The following ANO3 variants were observed in gnomAD, a reference collection of about 807,000 sequenced individuals.
ANO3 encodes the protein anoctamin-3.
ANO3 carries 99 observed loss-of-function variants against 144.8 expected under a neutral mutation model. The observed-to-expected ratio is 0.68, with a 90% CI of 0.58 to 0.81. The LOEUF (loss-of-function observed/expected upper bound fraction) is 0.81. Among genes scored for constraint, ANO3 ranks in the 30% least tolerant of loss-of-function variants. The probability of loss-of-function intolerance (pLI) is 0.00; values close to 1 mark genes in which losing one functional copy is unlikely to be tolerated. For missense variants in ANO3, 905 were observed against 1,202.2 expected (o/e 0.75, Z 3.66); for synonymous variants, 414 against 392.6 (o/e 1.05, Z -0.64).
At chr11:26,653,596 C>A (rs970300664) in intron 24 of ANO3, among the ~76,000 whole-genome samples, 6 of 152,150 alleles carry the variant, frequency 3.9e-5, no homozygotes, top group South Asian at 2.1e-4. Flanking sequence ...AAGGGAGCTT[C>A]TTCTCTGAGC....
In ANO3 at chr11:26,441,923, A is replaced by AAT; in HGVS notation, c.56_57dup (p.Ser20Ter). The AAT allele has an allele frequency of 6.2e-7, 1 of 1,611,768 alleles. No individual in the cohort carries two copies. The highest frequency in any genetic ancestry group is 8.5e-7 in the Non-Finnish European group (1 of 1,179,166). On this transcript the variant is annotated frameshift_variant, in exon 2 of 27. Transcript: ENST00000256737. LOFTEE classifies it high-confidence loss of function. ...TCAACATTTTGGATTTGCAGGTATG[A>AAT]ATATAAGCAAGAGTGAGATAACAAA...
At chr11:26,393,817 C>T (rs1202144040) in intron 1 of ANO3, among the ~76,000 whole-genome samples, 1 of 152,116 alleles carries the variant, frequency 6.6e-6, no homozygotes, top group African/African-American at 2.4e-5. Context: ...GAAAACTTCA[C>T]ATAAATAGTT....
chr11:26,365,957 T>C (rs1856060511), intron 1 of ANO3, among the ~76,000 whole-genome samples: 1 of 376 alleles, frequency 2.7e-3, no homozygotes, highest in Admixed American at 0.056. Context: ...TTTTTCTTTA[T>C]ATATATATAT....
intron 20 of ANO3, 23 bp downstream of exon 20, chr11:26,635,093 G>A (rs769806460): frequency 1.9e-5 from 31 of 1,609,054 alleles, no homozygotes; most frequent in Non-Finnish European, 2.3e-5. Flanking sequence ...GGGAGTGTGG[G>A]TGCAGGAATG....
At chr11:26,290,904 G>T (rs887782895) in intron 1 of ANO3, among the ~76,000 whole-genome samples, 2 of 152,332 alleles carry the variant, frequency 1.3e-5, no homozygotes, top group East Asian at 1.9e-4. Flanking sequence ...GGAGTGAAGA[G>T]TTCTGTAGAT....
intron 1 of ANO3, among the ~76,000 whole-genome samples, chr11:26,320,030 TG>T (rs1368666259): frequency 6.6e-6 from 1 of 152,094 alleles, no homozygotes; most frequent in East Asian, 1.9e-4. Flanking sequence ...TCTGAAACAC[TG>T]GTGTGGCAGA....
At chr11:26,313,592 C>A (rs1447400273) in intron 1 of ANO3, among the ~76,000 whole-genome samples, 2 of 151,692 alleles carry the variant, frequency 1.3e-5, no homozygotes, top group Non-Finnish European at 2.9e-5. Flanking sequence ...GAGGCGGAGG[C>A]AGGAAAATTG....
intron 1 of ANO3, among the ~76,000 whole-genome samples, chr11:26,394,072 T>C (rs1856945247): frequency 6.6e-6 from 1 of 152,158 alleles, no homozygotes; most frequent in African/African-American, 2.4e-5. Context: ...CAAAATCTAA[T>C]TTAACTGCCA....
intron 4 of ANO3, among the ~76,000 whole-genome samples, chr11:26,472,918 T>C (rs2860040): frequency 0.25 from 38,057 of 151,716 alleles, 5,090 homozygotes; most frequent in South Asian, 0.39. Flanking sequence ...ACTGAATAGT[T>C]TCTGACACTT....
intron 1 of ANO3, among the ~76,000 whole-genome samples, chr11:26,340,902 A>G (rs539050111): frequency 8.5e-5 from 13 of 152,288 alleles, no homozygotes; most frequent in African/African-American, 3.1e-4. Flanking sequence ...CAAACTGGAC[A>G]CTTTAATTAA....
At chr11:26,271,765 T>A (rs1473555355) in intron 1 of ANO3, among the ~76,000 whole-genome samples, 1 of 151,300 alleles carries the variant, frequency 6.6e-6, no homozygotes, top group East Asian at 1.9e-4. Context: ...TATTTAAGGG[T>A]AAATATTCTT....
chr11:26,366,798 A>G (rs200229444), intron 1 of ANO3, among the ~76,000 whole-genome samples: 12 of 142,506 alleles, frequency 8.4e-5, no homozygotes, highest in Admixed American at 6.1e-4. Context: ...GTCTGTTCAT[A>G]TCCTTTGCCC....
chr11:26,304,494 C>A (rs529939072), intron 1 of ANO3, among the ~76,000 whole-genome samples: 1 of 152,144 alleles, frequency 6.6e-6, no homozygotes, highest in East Asian at 1.9e-4. Context: ...ACACAGGTAA[C>A]CACAGTTACA....
At chr11:26,587,633 A>G (rs116150021) in intron 14 of ANO3, among the ~76,000 whole-genome samples, 1,537 of 152,222 alleles carry the variant, frequency 0.01, 37 homozygotes, top group African/African-American at 0.035. Context: ...TCACTGCAAG[A>G]TAGGTCCCAC....
chr11:26,516,849 T>C lies in ANO3; in HGVS notation c.614T>C (p.Ile205Thr). The C allele has an allele frequency of 1.2e-6, 2 of 1,611,670 alleles. No individual in the cohort carries two copies. The highest frequency in any genetic ancestry group is 1.7e-6 in the Non-Finnish European group (2 of 1,178,240). ...EKEPAIASPD[I>T]MFIKIHIPWD... is the part of the protein sequence containing the mutation. ...CAGCCAGCTATTGCAAGCCCCGATA[T>C]CATGTTTATTAAAATTCACATTCCA... The change falls in exon 6 of 27, where the codon ATC becomes ACC. Residue 205 changes from isoleucine to threonine, a missense_variant. By Grantham distance (89) the Ile-to-Thr change is moderately conservative. Transcript: ENST00000256737.
intron 14 of ANO3, among the ~76,000 whole-genome samples, chr11:26,577,576 AAAAAG>A (rs1370009232): frequency 2.0e-5 from 3 of 152,092 alleles, no homozygotes; most frequent in African/African-American, 4.8e-5. Flanking sequence ...AAAAAAAAAA[AAAAAG>A]AGAGAGAGAG....
At chr11:26,563,707 A>G (rs1850396184) in intron 14 of ANO3, among the ~76,000 whole-genome samples, 1 of 151,864 alleles carries the variant, frequency 6.6e-6, no homozygotes, top group Non-Finnish European at 1.5e-5. Flanking sequence ...GTAATAGAAA[A>G]TGAGTCCACC....
intron 1 of ANO3, among the ~76,000 whole-genome samples, chr11:26,425,463 A>C (rs544913513): frequency 6.6e-6 from 1 of 152,158 alleles, no homozygotes; most frequent in East Asian, 1.9e-4. Context: ...GTGACCACAA[A>C]ATTATATAGG....
rs150053363 is a variant in ANO3 at position 26,385,729 on chromosome 11, T to C, written c.46+53408T>C. 4.0e-4 allele frequency among the ~76,000 whole-genome samples: 61 copies of C among 151,862 alleles called. 1 individual carries two copies. Among genetic ancestry groups the C allele is most frequent in the African/African-American group, 1.4e-3 (56 of 41,358 alleles). ...GATCCTATATCACAGGTTTCAGGGA[T>C]TAGGATGTGCACATACTTGAGAAGG... On this transcript the variant is annotated intron_variant, in intron 1 of 26. Transcript: ENST00000256737.
Sources: allele counts gnomAD v4.1 joint callset (sites outside exome capture counted in the v4.1 genomes callset), GRCh38; gene constraint gnomAD v4.1.1; transcripts MANE v1.5; gene names NCBI Gene and HGNC (gene_info 2026-07-23, HGNC 2026-07-21).